GPHN: variants seen among roughly 807,000 people sequenced by gnomAD.
GPHN encodes the protein gephyrin.
A neutral mutation model predicts 95.5 loss-of-function variants in GPHN; 17 were observed. That is an observed-to-expected ratio of 0.18 (90% CI 0.12 to 0.27). The LOEUF (loss-of-function observed/expected upper bound fraction) is 0.27, where lower values mean the gene tolerates loss of function less well. Among genes scored for constraint, GPHN ranks in the 10% least tolerant of loss-of-function variants. The probability of loss-of-function intolerance (pLI) is 1.00; values close to 1 mark genes in which losing one functional copy is unlikely to be tolerated. For missense variants in GPHN, 660 were observed against 978.1 expected, an observed-to-expected ratio of 0.67 and a Z score of 4.34; for synonymous variants, 320 against 322.5, an observed-to-expected ratio of 0.99 and a Z score of 0.08.
the GPHN span, among the ~76,000 whole-genome samples, chr14:67,451,131 A>C: frequency 4.6e-5 from 7 of 152,222 alleles, 1 homozygote; most frequent in Middle Eastern, 6.3e-3. Context: ...AGTGCACAGA[A>C]GTCAAGAACT....
chr14:67,343,336 C>T, the GPHN span: 1 of 1,534,404 alleles, frequency 6.5e-7, no homozygotes, highest in South Asian at 1.2e-5. Context: ...AGGGTATGGA[C>T]AAGTGACAAA....
Position 67,169,012 on chromosome 14 carries a change from T to G in GPHN, c.2055T>G (p.Pro685=). 6.2e-7 allele frequency: 1 copy of G among 1,612,690 alleles called. No individual in the cohort carries two copies. Among genetic ancestry groups the G allele is most frequent in the Non-Finnish European group, 8.5e-7 (1 of 1,178,718 alleles). ...ALRKMQGILD[P]RPTIIKARLS... ...GGAAAATGCAGGGCATCTTGGATCC[T>G]CGGCCAACCATCATCAAAGCAAGGG... The change falls in exon 21 of 23, where the codon CCT becomes CCG. Residue 685 remains proline, a synonymous_variant. Transcript: ENST00000478722.
intron 2 of GPHN, among the ~76,000 whole-genome samples, chr14:66,727,331 A>G (rs1162356342): frequency 6.6e-6 from 1 of 152,184 alleles, no homozygotes; most frequent in Non-Finnish European, 1.5e-5. Flanking sequence ...TAATGCAGTA[A>G]ATTGGTACCA....
chr14:67,456,787 C>T, the GPHN span, among the ~76,000 whole-genome samples: 2 of 152,084 alleles, frequency 1.3e-5, no homozygotes, highest in African/African-American at 4.8e-5. Context: ...GTTATATACC[C>T]AAAGGCATAT....
downstream of GPHN, among the ~76,000 whole-genome samples, chr14:67,183,184 CAT>C (rs1443702698): frequency 6.6e-6 from 1 of 152,192 alleles, no homozygotes; most frequent in East Asian, 1.9e-4. Flanking sequence ...GGAAATTAAA[CAT>C]ATGAAATGTG....
At chr14:67,562,329 C>T in the GPHN span, 1 of 1,613,944 alleles carries the variant, frequency 6.2e-7, no homozygotes, top group Admixed American at 1.7e-5. Context: ...TCTGAAGCAG[C>T]AAGCCCCTTG....
the GPHN span, among the ~76,000 whole-genome samples, chr14:67,485,542 A>G: frequency 6.6e-6 from 1 of 152,194 alleles, no homozygotes; most frequent in Non-Finnish European, 1.5e-5. Flanking sequence ...AGGAACTCCA[A>G]AAAAAGCTTG....
At chr14:67,687,391 G>A in the GPHN span, among the ~76,000 whole-genome samples, 6 of 148,026 alleles carry the variant, frequency 4.1e-5, no homozygotes, top group Admixed American at 6.7e-5. Flanking sequence ...GGTAACCTTC[G>A]CTGTTTCTCA....
At chr14:66,752,588 G>A (rs1251931811) in intron 2 of GPHN, among the ~76,000 whole-genome samples, 1 of 152,058 alleles carries the variant, frequency 6.6e-6, no homozygotes, top group Non-Finnish European at 1.5e-5. Flanking sequence ...CTCAATTGAT[G>A]TTGACTCCAA....
the GPHN span, among the ~76,000 whole-genome samples, chr14:67,237,022 G>A: frequency 6.6e-6 from 1 of 151,954 alleles, no homozygotes; most frequent in Non-Finnish European, 1.5e-5. Flanking sequence ...CCCGGGAGGC[G>A]GAGGTTGCAG....
chr14:66,903,177 G>C (rs1030776051), intron 5 of GPHN, among the ~76,000 whole-genome samples: 1 of 152,062 alleles, frequency 6.6e-6, no homozygotes, highest in Non-Finnish European at 1.5e-5. Context: ...TAGATGACCT[G>C]TTCACTACAG....
chr14:66,837,044 C>T (rs1391946369), intron 4 of GPHN, among the ~76,000 whole-genome samples: 11 of 149,860 alleles, frequency 7.3e-5, no homozygotes, highest in Non-Finnish European at 1.6e-4. Flanking sequence ...GGCGATTCCT[C>T]AGGGATCTAG....
chr14:67,536,318 C>A, the GPHN span, among the ~76,000 whole-genome samples: 1 of 151,796 alleles, frequency 6.6e-6, no homozygotes, highest in South Asian at 2.1e-4. Flanking sequence ...CAGCCTCATC[C>A]CCAGAAACGG....
At chr14:66,547,167 A>G (rs1423947217) in intron 1 of GPHN, among the ~76,000 whole-genome samples, 1 of 152,150 alleles carries the variant, frequency 6.6e-6, no homozygotes, top group Non-Finnish European at 1.5e-5. Context: ...GAGGAAGGGA[A>G]AAGAAATCTT....
chr14:66,729,101 C>T (rs943737320), intron 2 of GPHN, among the ~76,000 whole-genome samples: 2 of 152,152 alleles, frequency 1.3e-5, no homozygotes, highest in African/African-American at 4.8e-5. Context: ...GGCCTGCTCC[C>T]ATCCACATAT....
the GPHN span, among the ~76,000 whole-genome samples, chr14:67,409,781 G>C: frequency 6.6e-6 from 1 of 152,136 alleles, no homozygotes; most frequent in East Asian, 1.9e-4. Context: ...CCACCTCTGA[G>C]CTCTTAACTC....
the GPHN span, among the ~76,000 whole-genome samples, chr14:67,496,361 G>A: frequency 1.4e-5 from 2 of 138,330 alleles, no homozygotes; most frequent in Admixed American, 1.6e-4. Context: ...CCAAAGTGCT[G>A]GGATTACAGG....
chr14:66,730,788 T>C (rs1343255082), intron 2 of GPHN, among the ~76,000 whole-genome samples: 3 of 152,220 alleles, frequency 2.0e-5, no homozygotes. Context: ...ATTTTAAGTA[T>C]CAAATGTTCA....
intron 1 of GPHN, among the ~76,000 whole-genome samples, chr14:66,548,274 A>G (rs1470557721): frequency 6.8e-6 from 1 of 146,608 alleles, no homozygotes; most frequent in Non-Finnish European, 1.5e-5. Context: ...TCTTCCTCCC[A>G]GGTTCAAGAG....
Sources: gnomAD v4.1 joint callset for allele counts (sites outside exome capture counted in the v4.1 genomes callset) on GRCh38, gnomAD v4.1.1 for gene constraint, MANE v1.5 for transcripts, NCBI Gene and HGNC (gene_info 2026-07-23, HGNC 2026-07-21) for gene names.